MYO18B: variants seen among roughly 807,000 people sequenced by gnomAD.
The protein encoded by MYO18B is unconventional myosin-XVIIIb.
A neutral mutation model predicts 273.0 loss-of-function variants in MYO18B; 204 were observed. That is an observed-to-expected ratio of 0.75 (90% confidence interval 0.67 to 0.84). The LOEUF is 0.84. Among genes scored for constraint, MYO18B ranks in the 40% least tolerant of loss-of-function variants. The pLI, the probability that MYO18B is intolerant of heterozygous loss-of-function variation, is 0.00. For missense variants in MYO18B, 3,212 were observed against 3,287.6 expected (o/e 0.98, Z 0.56); for synonymous variants, 1,330 against 1,305.7 (o/e 1.02, Z -0.40).
chr22:25,876,003 CGTGTGTGTGTGTGTGTGTGTGTGTGT>C (rs4049349), intron 23 of MYO18B, among the ~76,000 whole-genome samples, 160 bp from the exon 24 acceptor site: 1 of 139,920 alleles, frequency 7.1e-6, no homozygotes, highest in African/African-American at 2.7e-5. Context: ...AAAGGAAGCC[CGTGTGTGTGTGTGTGTGTGTGTGTGT>C]GTGTGTGTGT....
intron 20 of MYO18B, among the ~76,000 whole-genome samples, chr22:25,849,199 G>A (rs1368082767): frequency 6.6e-6 from 1 of 152,208 alleles, no homozygotes; most frequent in South Asian, 2.1e-4. Context: ...CTGTGCGCAC[G>A]CAGGGTCAGG....
chr22:25,923,088 C>T (rs563625871), intron 34 of MYO18B, among the ~76,000 whole-genome samples: 2 of 152,232 alleles, frequency 1.3e-5, no homozygotes, highest in South Asian at 4.2e-4. Flanking sequence ...GAGCACTGGA[C>T]AGGTATCCTA....
At chr22:25,818,465 AT>A (rs2089136264) in intron 12 of MYO18B, among the ~76,000 whole-genome samples, 1 of 152,156 alleles carries the variant, frequency 6.6e-6, no homozygotes, top group Non-Finnish European at 1.5e-5. Context: ...TCTGTTCTGC[AT>A]TTGTGCACTG....
chr22:25,929,983 A>T (rs2092474847), intron 34 of MYO18B, among the ~76,000 whole-genome samples: 2 of 152,040 alleles, frequency 1.3e-5, no homozygotes, highest in Non-Finnish European at 2.9e-5. Flanking sequence ...ACCTACACGG[A>T]TGCATATTTT....
chr22:25,965,293 C>T (rs1017601331), intron 39 of MYO18B, among the ~76,000 whole-genome samples: 3 of 152,168 alleles, frequency 2.0e-5, no homozygotes, highest in African/African-American at 7.2e-5. Context: ...GCTTGTTTCC[C>T]TCTGTACTGG....
intron 39 of MYO18B, among the ~76,000 whole-genome samples, chr22:25,983,060 T>C (rs2146799015): frequency 6.6e-6 from 1 of 152,338 alleles, no homozygotes; most frequent in South Asian, 2.1e-4. Context: ...TGCACTTGAT[T>C]CTGCAGCCTT....
At chr22:25,781,222 T>C (rs1338413833) in intron 9 of MYO18B, among the ~76,000 whole-genome samples, 1 of 152,218 alleles carries the variant, frequency 6.6e-6, no homozygotes, top group Non-Finnish European at 1.5e-5. Flanking sequence ...GTTAATTTCC[T>C]AGGTGGACTC....
At chr22:25,792,470 A>G (rs1355615622) in intron 11 of MYO18B, among the ~76,000 whole-genome samples, 2 of 123,836 alleles carry the variant, frequency 1.6e-5, no homozygotes, top group South Asian at 2.7e-4. Flanking sequence ...GCGGGCACCT[A>G]TGTGATGTTT....
intron 43 of MYO18B, among the ~76,000 whole-genome samples, chr22:26,029,666 A>G (rs1016483376): frequency 8.5e-5 from 13 of 152,088 alleles, no homozygotes; most frequent in African/African-American, 3.1e-4. Context: ...CAGCTATACA[A>G]TGCAACACCT....
chr22:25,963,160 C>CTTTCTCCTCT (rs1555968884), intron 39 of MYO18B, among the ~76,000 whole-genome samples: 1 of 132,852 alleles, frequency 7.5e-6, no homozygotes, highest in African/African-American at 3.1e-5. Flanking sequence ...TCCTCTTTCT[C>CTTTCTCCTCT]CTCTCTCTCT....
intron 39 of MYO18B, among the ~76,000 whole-genome samples, chr22:25,972,973 A>T (rs1022205578): frequency 3.9e-5 from 6 of 151,910 alleles, no homozygotes; most frequent in African/African-American, 1.5e-4. Context: ...AAAAAAAAAA[A>T]AAAAGAGATA....
chr22:25,798,965 G>A (rs1309974654), intron 12 of MYO18B, among the ~76,000 whole-genome samples: 1 of 151,932 alleles, frequency 6.6e-6, no homozygotes, highest in African/African-American at 2.4e-5. Context: ...GTCTGCTTGC[G>A]ATTTTCCCCA....
chr22:25,828,655 A>T (rs1234367028), intron 14 of MYO18B, 121 bp from the exon 15 acceptor site: 3 of 888,600 alleles, frequency 3.4e-6, no homozygotes, highest in Non-Finnish European at 5.1e-6. Context: ...AGCTTGCCTG[A>T]GGTCACACAG....
At chr22:26,039,974 GAT>G in the MYO18B span, among the ~76,000 whole-genome samples, 1 of 152,154 alleles carries the variant, frequency 6.6e-6, no homozygotes, top group Non-Finnish European at 1.5e-5. Context: ...ACAGGTGCAT[GAT>G]ACCAACTCTG....
chr22:25,859,072 C>T (rs182124106), intron 21 of MYO18B, among the ~76,000 whole-genome samples: 11 of 152,254 alleles, frequency 7.2e-5, no homozygotes, highest in Middle Eastern at 6.8e-3. Flanking sequence ...TGGTGACTTT[C>T]ATATACACAG....
intron 1 of MYO18B, among the ~76,000 whole-genome samples, chr22:25,752,186 TA>T (rs1287827294): frequency 7.2e-4 from 88 of 122,330 alleles, no homozygotes; most frequent in African/African-American, 2.7e-3. Flanking sequence ...TTATTTTAAT[TA>T]ATTTTTTTTT....
intron 11 of MYO18B, among the ~76,000 whole-genome samples, chr22:25,792,333 A>G (rs1300454294): frequency 6.6e-6 from 1 of 151,902 alleles, no homozygotes; most frequent in Non-Finnish European, 1.5e-5. Flanking sequence ...CTCCACTTAA[A>G]TGGACTCTTG....
rs5844669 is a variant in MYO18B at position 25,997,978 on chromosome 22, C to CGAGAGAGA, written c.6288-5270_6288-5263dup. Among the ~76,000 whole-genome samples, 336 of 144,616 alleles carry CGAGAGAGA rather than the reference C, an allele frequency of 2.3e-3. 1 individual carries two copies. Among genetic ancestry groups the CGAGAGAGA allele is most frequent in the African/African-American group, 7.5e-3 (283 of 37,908 alleles). 94.9% of individuals were successfully genotyped at this position (144,616 alleles called of 152,430 possible). A position where few individuals can be genotyped will look rare whatever the true frequency, so the allele number is the denominator to read the frequency against. On this transcript the variant is annotated intron_variant, in intron 40 of 43. Coordinates refer to ENST00000335473, the MANE Select transcript of MYO18B (RefSeq NM_032608.7). ...ACACAAACACACACACACACACACACGAGAGAGAGAGAGAGAGAGAGAGAT... is the reference window on the plus strand; with the variant it reads ...ACACAAACACACACACACACACACACGAGAGAGAGAGAGAGAGAGAGAGAGAGAGAGAT...
At chr22:26,042,645 G>A in the MYO18B span, among the ~76,000 whole-genome samples, 8 of 152,188 alleles carry the variant, frequency 5.3e-5, no homozygotes, top group African/African-American at 1.9e-4. Context: ...GTAAATATCA[G>A]GACAGTCTCT....
Sources: allele counts gnomAD v4.1 joint callset (sites outside exome capture counted in the v4.1 genomes callset), GRCh38; gene constraint gnomAD v4.1.1; transcripts MANE v1.5; gene names NCBI Gene and HGNC (gene_info 2026-07-23, HGNC 2026-07-21).